The following PPP6R2 variants were observed in gnomAD, a reference collection of about 807,000 sequenced individuals.
The protein encoded by PPP6R2 is protein phosphatase 6 regulatory subunit 2.
Under a neutral mutation model 100.2 loss-of-function variants are expected in PPP6R2, and 62 were observed. The observed-to-expected ratio is 0.62, with a 90% CI of 0.50 to 0.76. The LOEUF is 0.76. PPP6R2 is among the 30% of genes least tolerant of loss of function. The pLI is 0.00. For synonymous variants in PPP6R2, 525 were observed against 514.7 expected (o/e 1.02, Z -0.27); for missense variants, 1,142 against 1,276.3 (o/e 0.89, Z 1.60).
At chr22:50,359,474 C>T (rs2047355566) in intron 1 of PPP6R2, among the ~76,000 whole-genome samples, 1 of 152,134 alleles carries the variant, frequency 6.6e-6, no homozygotes. Context: ...GCCTCGGCCT[C>T]CCAAAGTGCT....
At chr22:50,440,088 A>G in intron 21 of PPP6R2, 39 bp downstream of exon 21, 1 of 1,566,222 alleles carries the variant, frequency 6.4e-7, no homozygotes, top group Non-Finnish European at 8.7e-7. Context: ...AGCCTTGCCC[A>G]GTTTAAGGCC....
chr22:50,374,290 G>A (rs570148803), intron 2 of PPP6R2, among the ~76,000 whole-genome samples: 3 of 152,196 alleles, frequency 2.0e-5, no homozygotes, highest in Admixed American at 6.6e-5. Context: ...AGACAAGATC[G>A]TGCCGCTGCC....
chr22:50,366,842 C>T (rs1328835072), intron 1 of PPP6R2, among the ~76,000 whole-genome samples: 1 of 152,182 alleles, frequency 6.6e-6, no homozygotes, highest in Non-Finnish European at 1.5e-5. Flanking sequence ...GCTTCTTCTT[C>T]CTTGGGCTGT....
At chr22:50,409,364 A>AT (rs1569440524) in intron 4 of PPP6R2, among the ~76,000 whole-genome samples, 1 of 152,088 alleles carries the variant, frequency 6.6e-6, no homozygotes, top group Non-Finnish European at 1.5e-5. Flanking sequence ...CATTTCTTCT[A>AT]TATCTCTTTA....
intron 8 of PPP6R2, among the ~76,000 whole-genome samples, chr22:50,419,996 C>T (rs970848425): frequency 2.0e-5 from 3 of 152,118 alleles, no homozygotes; most frequent in Non-Finnish European, 2.9e-5. Context: ...TGCCCTTTCT[C>T]ATTCATCAGG....
chr22:50,355,888 A>G (rs1371216628), intron 1 of PPP6R2, among the ~76,000 whole-genome samples: 1 of 151,696 alleles, frequency 6.6e-6, no homozygotes, highest in Admixed American at 6.6e-5. Flanking sequence ...TTCTCTTTTA[A>G]AAAGTGTACA....
intron 1 of PPP6R2, among the ~76,000 whole-genome samples, chr22:50,365,360 C>A (rs183556976): frequency 3.3e-5 from 5 of 151,906 alleles, no homozygotes; most frequent in African/African-American, 7.2e-5. Context: ...TATGAGCCGC[C>A]GTGCCTGGCA....
the PPP6R2 span, among the ~76,000 whole-genome samples, chr22:50,335,239 T>A: frequency 0.42 from 55,634 of 132,114 alleles, 11,835 homozygotes; most frequent in African/African-American, 0.63. Flanking sequence ...TTTTTTTTTT[T>A]TTTTTAGTAG....
intron 10 of PPP6R2, among the ~76,000 whole-genome samples, chr22:50,426,467 G>C (rs2062144441): frequency 6.6e-6 from 1 of 152,038 alleles, no homozygotes. Flanking sequence ...ATTAATTTTT[G>C]TATCTGGTGT....
chr22:50,362,699 C>T (rs568406638), intron 1 of PPP6R2, among the ~76,000 whole-genome samples: 17 of 152,248 alleles, frequency 1.1e-4, no homozygotes, highest in Admixed American at 1.1e-3. Flanking sequence ...CCAGGTGGGG[C>T]TCTCAAGATG....
intron 1 of PPP6R2, among the ~76,000 whole-genome samples, chr22:50,344,625 G>GC (rs1246402602): frequency 0.016 from 1 of 62 alleles, no homozygotes; most frequent in Non-Finnish European, 0.022. Context: ...CCCAGTCAGT[G>GC]CCCCCCCAGT....
chr22:50,334,125 T>G, the PPP6R2 span, among the ~76,000 whole-genome samples: 29,141 of 152,310 alleles, frequency 0.19, 3,044 homozygotes, highest in South Asian at 0.33. Flanking sequence ...GCGTGACCGC[T>G]GAAGCACAGC....
intron 2 of PPP6R2, among the ~76,000 whole-genome samples, chr22:50,376,319 C>CA (rs35657371): frequency 5.3e-5 from 8 of 151,592 alleles, no homozygotes; most frequent in Non-Finnish European, 1.0e-4. Flanking sequence ...AACCTTGTCT[C>CA]AAAAAAACCC....
intron 5 of PPP6R2, 21 bp from the exon 6 acceptor site, chr22:50,416,071 A>C (rs752676734): frequency 3.1e-6 from 5 of 1,604,940 alleles, no homozygotes; most frequent in Non-Finnish European, 4.3e-6. Flanking sequence ...CGACACTGAA[A>C]GGCCTCTTTT....
rs781319536 is a variant in PPP6R2, at chr22:50,444,047, C to G, written c.2761C>G (p.Leu921Val). The G allele has an allele frequency of 3.1e-6, 5 of 1,613,116 alleles. No individual in the cohort carries two copies. The highest frequency in any genetic ancestry group is 2.2e-5 in the East Asian group (1 of 44,888). Residue 921 changes from leucine to valine, a missense_variant, in exon 23 of 24, where the codon CTA (leucine) becomes GTA (valine). Coordinates refer to ENST00000612753, the MANE Select transcript of PPP6R2 (RefSeq NM_001242898.2). ...VSSALAVAVP[L>V]GPIMAVTAAP... Reference sequence around the variant, plus strand: ...TTCTGCACTGGCCGTGGCGGTCCCCCTAGGGCCCATCATGGCAGTCACAGC... The same window carrying G: ...TTCTGCACTGGCCGTGGCGGTCCCCGTAGGGCCCATCATGGCAGTCACAGC...
At chr22:50,343,747 G>GT (rs1226100170) in intron 1 of PPP6R2, among the ~76,000 whole-genome samples, 197 bp downstream of exon 1, 1 of 75,626 alleles carries the variant, frequency 1.3e-5, no homozygotes, top group Non-Finnish European at 2.4e-5. Flanking sequence ...CCTCCAGTCA[G>GT]TTCCCCCCCA....
intron 2 of PPP6R2, among the ~76,000 whole-genome samples, chr22:50,382,163 G>T (rs1469518625): frequency 1.3e-5 from 2 of 152,028 alleles, no homozygotes; most frequent in African/African-American, 2.4e-5. Flanking sequence ...AAAGATAAAA[G>T]AATTTAAAAG....
At chr22:50,443,705 G>A (rs912807120) in intron 22 of PPP6R2, 161 bp from the exon 23 acceptor site, 1 of 1,014,290 alleles carries the variant, frequency 9.9e-7, no homozygotes, top group Non-Finnish European at 1.4e-6. Context: ...CTGCCTAGCT[G>A]GGCACAACCT....
At chr22:50,438,993 C>T (rs1372228041) in intron 19 of PPP6R2, among the ~76,000 whole-genome samples, 3 of 152,336 alleles carry the variant, frequency 2.0e-5, no homozygotes, top group Non-Finnish European at 2.9e-5. Flanking sequence ...CACTCAGCCA[C>T]GTTGCCAAGG....
Sources: allele counts gnomAD v4.1 joint callset (sites outside exome capture counted in the v4.1 genomes callset), GRCh38; gene constraint gnomAD v4.1.1; transcripts MANE v1.5; gene names NCBI Gene and HGNC (gene_info 2026-07-23, HGNC 2026-07-21).